Variants in CRPPA observed in about 807,000 individuals in gnomAD.
CRPPA encodes the protein D-ribitol-5-phosphate cytidylyltransferase.
CRPPA carries 43 observed loss-of-function variants against 52.0 expected under a neutral mutation model. The ratio of observed to expected loss-of-function variants is 0.83; its 90% confidence interval spans 0.65 to 1.07. The LOEUF (loss-of-function observed/expected upper bound fraction) is 1.07, where lower values mean the gene tolerates loss of function less well. CRPPA is among the 50% of genes least tolerant of loss of function. The probability of loss-of-function intolerance (pLI) is 0.00; values close to 1 mark genes in which losing one functional copy is unlikely to be tolerated. For missense variants in CRPPA, 629 were observed against 551.7 expected (o/e 1.14, Z -1.40); for synonymous variants, 250 against 203.5 (o/e 1.23, Z -1.94).
At chr7:16,121,279 A>G (rs1022191950) in intron 9 of CRPPA, among the ~76,000 whole-genome samples, 1 of 152,052 alleles carries the variant, frequency 6.6e-6, no homozygotes, top group African/African-American at 2.4e-5. Flanking sequence ...TCAAATTTAA[A>G]AATAGAATCC....
At chr7:16,389,930 T>A (rs56382022) in intron 2 of CRPPA, among the ~76,000 whole-genome samples, 5,222 of 52,446 alleles carry the variant, frequency 0.1, 249 homozygotes, top group African/African-American at 0.15. Flanking sequence ...AAAAAAAAAA[T>A]ATATATATAT....
rs139769871 is a variant in CRPPA at position 16,370,019 on chromosome 7, A to G, written c.684+6073T>C. Among the ~76,000 whole-genome samples, 73 of 152,306 alleles carry G rather than the reference A, an allele frequency of 4.8e-4. 1 individual carries two copies. The East Asian group carries it at 0.013, about 27-fold the overall frequency. On this transcript the variant is annotated intron_variant, in intron 3 of 9. Transcript: ENST00000407010. ...GACTGGATTTAGGGAGTGGTGTGAAATATAAAAGTGGAAGCAACAGCAGGA... is the reference window on the plus strand; with the variant it reads ...GACTGGATTTAGGGAGTGGTGTGAAGTATAAAAGTGGAAGCAACAGCAGGA...
chr7:16,180,491 G>C (rs1360479386), intron 9 of CRPPA, among the ~76,000 whole-genome samples: 2 of 152,068 alleles, frequency 1.3e-5, no homozygotes, highest in South Asian at 4.1e-4. Flanking sequence ...TATAGATAAT[G>C]TAATGGTAGT....
chr7:16,347,386 T>TA (rs1786041345), intron 3 of CRPPA, among the ~76,000 whole-genome samples: 1 of 152,078 alleles, frequency 6.6e-6, no homozygotes, highest in Non-Finnish European at 1.5e-5. Context: ...ACAGAGTGAA[T>TA]AAAAAATAAA....
chr7:16,116,438 G>A (rs1475402511), intron 9 of CRPPA, among the ~76,000 whole-genome samples: 2 of 152,130 alleles, frequency 1.3e-5, no homozygotes, highest in Non-Finnish European at 2.9e-5. Flanking sequence ...GCCTAGGCAG[G>A]TGGATCACCT....
At chr7:16,267,064 C>A (rs1420558018) in intron 6 of CRPPA, among the ~76,000 whole-genome samples, 1 of 152,132 alleles carries the variant, frequency 6.6e-6, no homozygotes, top group African/African-American at 2.4e-5. Context: ...AAGCTGAGAA[C>A]TGGCAAGTTA....
At chr7:16,123,296 T>C (rs892138047) in intron 9 of CRPPA, among the ~76,000 whole-genome samples, 2 of 152,118 alleles carry the variant, frequency 1.3e-5, no homozygotes, top group African/African-American at 4.8e-5. Context: ...AATGTGTTGC[T>C]AATTTCCAGG....
rs1787683106 is a variant in CRPPA, at chr7:16,398,501, C to A, written c.534+7560G>T. 2.0e-5 allele frequency among the ~76,000 whole-genome samples: 3 copies of A among 152,050 alleles called. No homozygotes were observed. In the South Asian group the frequency reaches 6.2e-4, roughly 31 times the overall value. On this transcript the variant is annotated intron_variant, in intron 2 of 9. Transcript: ENST00000407010. ...ATTGGCACATGACCTATATCATTGG[C>A]ACGTGATTGGCATAGGTCCAAAATG...
chr7:16,254,771 CAGAA>C (rs373072535), intron 8 of CRPPA, among the ~76,000 whole-genome samples: 78 of 111,036 alleles, frequency 7.0e-4, no homozygotes, highest in African/African-American at 2.4e-3. Flanking sequence ...GACAGACACA[CAGAA>C]AGAAAGAAAG....
chr7:16,248,793 G>A (rs1783352168), intron 8 of CRPPA, among the ~76,000 whole-genome samples: 1 of 152,154 alleles, frequency 6.6e-6, no homozygotes, highest in Non-Finnish European at 1.5e-5. Context: ...GGGGTCAGGG[G>A]ATTTCCCTTT....
At chr7:16,348,628 ACT>A (rs780706898) in intron 3 of CRPPA, among the ~76,000 whole-genome samples, 21 of 152,026 alleles carry the variant, frequency 1.4e-4, no homozygotes, top group Non-Finnish European at 2.8e-4. Context: ...GCAGAAAAAA[ACT>A]CTCATTTTCT....
At chr7:16,281,664 A>G (rs913525487) in intron 5 of CRPPA, among the ~76,000 whole-genome samples, 23 of 152,200 alleles carry the variant, frequency 1.5e-4, no homozygotes, top group Non-Finnish European at 5.9e-5. Context: ...AGTGTGCAAG[A>G]TTGGTGTCAT....
chr7:16,300,617 T>C (rs1327590056), intron 5 of CRPPA, among the ~76,000 whole-genome samples: 2 of 152,110 alleles, frequency 1.3e-5, no homozygotes, highest in Non-Finnish European at 2.9e-5. Flanking sequence ...GAGTGAGGGA[T>C]GGGTACTTCC....
intron 1 of CRPPA, among the ~76,000 whole-genome samples, chr7:16,413,616 C>T (rs975665400): frequency 3.3e-5 from 5 of 152,210 alleles, no homozygotes; most frequent in African/African-American, 1.2e-4. Flanking sequence ...TCTGGACTAA[C>T]ATTTATATCT....
intron 8 of CRPPA, among the ~76,000 whole-genome samples, chr7:16,237,674 TCTGTC>T (rs1420488827): frequency 6.6e-6 from 1 of 152,208 alleles, no homozygotes; most frequent in Non-Finnish European, 1.5e-5. Context: ...TAATCTACTT[TCTGTC>T]CTGCATCCAG....
chr7:16,399,841 C>T (rs1787752427), intron 2 of CRPPA, among the ~76,000 whole-genome samples: 1 of 152,130 alleles, frequency 6.6e-6, no homozygotes, highest in Admixed American at 6.5e-5. Context: ...ACGTGTGGCA[C>T]ATGACAGACA....
chr7:16,412,130 C>G (rs906681486), intron 1 of CRPPA, among the ~76,000 whole-genome samples: 2 of 152,090 alleles, frequency 1.3e-5, no homozygotes, highest in Non-Finnish European at 2.9e-5. Flanking sequence ...TAAATAATTA[C>G]AAACAGACAC....
At chr7:16,381,577 T>C (rs560493853) in intron 2 of CRPPA, among the ~76,000 whole-genome samples, 1,757 of 152,036 alleles carry the variant, frequency 0.012, 30 homozygotes, top group African/African-American at 0.039. Flanking sequence ...ATCTGTCTAA[T>C]GTTGACAGTG....
chr7:16,134,087 A>G (rs1050470294), intron 9 of CRPPA, among the ~76,000 whole-genome samples: 2 of 122,876 alleles, frequency 1.6e-5, no homozygotes, highest in African/African-American at 5.3e-5. Context: ...GCCCGCCACC[A>G]CGCCCGGCTA....
Sources: allele counts gnomAD v4.1 joint callset (sites outside exome capture counted in the v4.1 genomes callset), GRCh38; gene constraint gnomAD v4.1.1; transcripts MANE v1.5; gene names NCBI Gene and HGNC (gene_info 2026-07-23, HGNC 2026-07-21).